Variants in PKIA observed in about 807,000 individuals in gnomAD.
PKIA encodes the protein PKI-alpha.
PKIA carries 4 observed loss-of-function variants against 7.6 expected under a neutral mutation model. That is an observed-to-expected ratio of 0.52 (90% CI 0.26 to 1.20). The LOEUF (loss-of-function observed/expected upper bound fraction) is 1.20, where lower values mean the gene tolerates loss of function less well. Ranked by LOEUF, PKIA falls within the 50% of genes most tolerant of loss-of-function variation. The probability of loss-of-function intolerance (pLI) is 0.13; values close to 1 mark genes in which losing one functional copy is unlikely to be tolerated. For synonymous variants in PKIA, 21 were observed against 30.7 expected (o/e 0.68, Z 1.04); for missense variants, 73 against 86.2 (o/e 0.85, Z 0.61).
chr8:78,584,618 T>G (rs369112736), intron 2 of PKIA, among the ~76,000 whole-genome samples: 30 of 152,234 alleles, frequency 2.0e-4, no homozygotes, highest in African/African-American at 6.7e-4. Flanking sequence ...ACATTACTAA[T>G]GCATAATGCT....
chr8:78,530,423 A>T (rs1806361972), intron 1 of PKIA, among the ~76,000 whole-genome samples: 1 of 152,040 alleles, frequency 6.6e-6, no homozygotes, highest in African/African-American at 2.4e-5. Flanking sequence ...ATTCACTTAC[A>T]AACCTCACTG....
At chr8:78,530,272 C>T (rs570802982) in intron 1 of PKIA, among the ~76,000 whole-genome samples, 2 of 152,052 alleles carry the variant, frequency 1.3e-5, no homozygotes, top group South Asian at 4.1e-4. Flanking sequence ...TCAGTATACA[C>T]AATTACTAAG....
At chr8:78,599,335 T>C (rs1043866295) in intron 3 of PKIA, among the ~76,000 whole-genome samples, 4 of 152,066 alleles carry the variant, frequency 2.6e-5, no homozygotes, top group Non-Finnish European at 5.9e-5. Flanking sequence ...AACCCTGATA[T>C]TATGTGCATG....
At chr8:78,589,678 C>T (rs1269071328) in intron 2 of PKIA, among the ~76,000 whole-genome samples, 1 of 152,122 alleles carries the variant, frequency 6.6e-6, no homozygotes, top group African/African-American at 2.4e-5. Context: ...ATGTATTCTG[C>T]ACCCCTACAC....
In PKIA at chr8:78,579,487, G is replaced by T. The variant is rs568030504; in HGVS notation, c.-28+6548G>T. On this transcript the variant is annotated intron_variant, in intron 2 of 3. Coordinates refer to ENST00000396418, the MANE Select transcript of PKIA (RefSeq NM_006823.4). ...TCCCTAAAAGACTTTTCCAGCATTA[G>T]GACCTTTGCACTTGTTATTTTCTGA... 2.0e-5 allele frequency among the ~76,000 whole-genome samples: 3 copies of T among 152,032 alleles called. No individual in the cohort carries two copies. The South Asian group carries it at 6.2e-4, about 31-fold the overall frequency.
At chr8:78,531,844 G>C (rs932759197) in intron 1 of PKIA, among the ~76,000 whole-genome samples, 1 of 152,110 alleles carries the variant, frequency 6.6e-6, no homozygotes, top group African/African-American at 2.4e-5. Context: ...GGTTGACATG[G>C]TGTGCTATAA....
chr8:78,536,893 C>T (rs1377844685), intron 1 of PKIA, among the ~76,000 whole-genome samples: 2 of 147,114 alleles, frequency 1.4e-5, no homozygotes, highest in Admixed American at 7.2e-5. Flanking sequence ...CACACACACA[C>T]ACACACACAC....
chr8:78,552,256 A>G (rs1807001570), intron 1 of PKIA, among the ~76,000 whole-genome samples: 1 of 151,880 alleles, frequency 6.6e-6, no homozygotes, highest in Non-Finnish European at 1.5e-5. Flanking sequence ...TCTACTGAAT[A>G]AAAGAAATAT....
At chr8:78,553,970 T>A (rs1434156551) in intron 1 of PKIA, among the ~76,000 whole-genome samples, 1 of 151,896 alleles carries the variant, frequency 6.6e-6, no homozygotes, top group African/African-American at 2.4e-5. Context: ...GGAGAGATAC[T>A]TCATAGACAT....
rs534967519 is a variant in PKIA at position 78,518,677 on chromosome 8, C to T, written c.-157+2209C>T. 4.7e-3 allele frequency among the ~76,000 whole-genome samples: 718 copies of T among 152,204 alleles called. 4 individuals are homozygous for T. The highest frequency in any genetic ancestry group is 8.0e-3 in the Non-Finnish European group (541 of 68,010). The stretch of plus-strand genomic sequence containing the variant: ...ATTTAGTTTCTGAAGAAACTAAACT[C>T]TTTGGCAAGAAATAGGTTCAGGATT... On this transcript the variant is annotated intron_variant, in intron 1 of 3. Transcript: ENST00000396418.
At chr8:78,583,009 C>G (rs187135985) in intron 2 of PKIA, among the ~76,000 whole-genome samples, 1 of 152,182 alleles carries the variant, frequency 6.6e-6, no homozygotes, top group African/African-American at 2.4e-5. Context: ...CTCTCAGAAA[C>G]CTGGGCACTT....
Position 78,602,059 on chromosome 8 carries a change from T to C in PKIA, c.*238T>C, listed in dbSNP as rs1252563701. On this transcript the variant is annotated 3_prime_UTR_variant, in exon 4 of 4. Coordinates refer to ENST00000396418, the MANE Select transcript of PKIA (RefSeq NM_006823.4). ...GTGGCTTGTGTTTGGGCGTCATTTT[T>C]GTATGGATCCTTTCACTTGATCATA... 1 of 524,248 alleles carries C rather than the reference T, an allele frequency of 1.9e-6. No individual in the cohort carries two copies. Among genetic ancestry groups the C allele is most frequent in the African/African-American group, 1.9e-5 (1 of 51,548 alleles). The allele number at this position is 524,248 out of a possible 1,614,324, so 32.5% of individuals were successfully genotyped here. A position where few individuals can be genotyped will look rare whatever the true frequency, so the allele number is the denominator to read the frequency against.
In PKIA at chr8:78,602,602, A is replaced by G. The variant is rs1808374671; in HGVS notation, c.*781A>G. On this transcript the variant is annotated 3_prime_UTR_variant, in exon 4 of 4. Transcript: ENST00000396418. ...TTTGAAAATATCCATTAATGTGAAT[A>G]TCACCTGAATTCAGTCTGTTTGGTG... is the stretch of plus-strand genomic sequence containing the variant. 1 of 151,940 alleles carries G rather than the reference A, an allele frequency of 6.6e-6. No individual in the cohort carries two copies. Among genetic ancestry groups the G allele is most frequent in the African/African-American group, 2.4e-5 (1 of 41,268 alleles). 9.4% of individuals were successfully genotyped at this position (151,940 alleles called of 1,614,324 possible). A position where few individuals can be genotyped will look rare whatever the true frequency, so the allele number is the denominator to read the frequency against.
intron 2 of PKIA, among the ~76,000 whole-genome samples, chr8:78,573,831 T>C (rs997430963): frequency 1.3e-5 from 2 of 151,910 alleles, no homozygotes; most frequent in South Asian, 2.1e-4. Context: ...CATAAATCTT[T>C]TTGAATTAAT....
intron 2 of PKIA, among the ~76,000 whole-genome samples, chr8:78,581,422 G>A (rs1200056380): frequency 3.9e-5 from 6 of 152,040 alleles, no homozygotes; most frequent in Non-Finnish European, 7.4e-5. Flanking sequence ...ATGTATTAAT[G>A]TTAAAAAAGA....
intron 1 of PKIA, chr8:78,535,896 C>T (rs1806509614): frequency 6.6e-6 from 1 of 151,998 alleles, no homozygotes; most frequent in Non-Finnish European, 1.5e-5. Flanking sequence ...GGTTTTGATA[C>T]AGGGGTGACC....
intron 1 of PKIA, among the ~76,000 whole-genome samples, chr8:78,529,014 G>C (rs1806327053): frequency 6.6e-6 from 1 of 151,996 alleles, no homozygotes; most frequent in Non-Finnish European, 1.5e-5. Flanking sequence ...AAAGGTTACT[G>C]GAGTTACTGT....
intron 1 of PKIA, among the ~76,000 whole-genome samples, chr8:78,552,839 C>T (rs1807019343): frequency 6.6e-6 from 1 of 151,754 alleles, no homozygotes; most frequent in Non-Finnish European, 1.5e-5. Flanking sequence ...GATTGTTTAT[C>T]CAAGTTAGCT....
At chr8:78,530,144 T>G (rs1395924656) in intron 1 of PKIA, among the ~76,000 whole-genome samples, 1 of 152,058 alleles carries the variant, frequency 6.6e-6, no homozygotes, top group Admixed American at 6.6e-5. Flanking sequence ...CAAAGCATTT[T>G]TATAGTCATT....
Sources: allele counts gnomAD v4.1 joint callset (sites outside exome capture counted in the v4.1 genomes callset), GRCh38; gene constraint gnomAD v4.1.1; transcripts MANE v1.5; gene names NCBI Gene and HGNC (gene_info 2026-07-23, HGNC 2026-07-21).